KCNT2: variants seen among roughly 807,000 people sequenced by gnomAD.
The protein encoded by KCNT2 is potassium channel subfamily T member 2.
In KCNT2, 67 loss-of-function variants were observed where a neutral mutation model predicts 153.8. That is an observed-to-expected ratio of 0.44 (90% CI 0.36 to 0.53). The LOEUF (loss-of-function observed/expected upper bound fraction) is 0.53. KCNT2 is among the 20% of genes least tolerant of loss of function. KCNT2 has a pLI of 0.00. For missense variants in KCNT2, 975 were observed against 1,354.8 expected, an observed-to-expected ratio of 0.72 and a Z score of 4.40; for synonymous variants, 500 against 458.8, an observed-to-expected ratio of 1.09 and a Z score of -1.15.
At chr1:196,596,573 A>T (rs1352944183) in intron 1 of KCNT2, among the ~76,000 whole-genome samples, 3 of 151,686 alleles carry the variant, frequency 2.0e-5, no homozygotes. Context: ...TTTTGATGGG[A>T]TTATTTGTTT....
chr1:196,567,714 G>C (rs1253102505), intron 1 of KCNT2, among the ~76,000 whole-genome samples: 1 of 152,228 alleles, frequency 6.6e-6, no homozygotes, highest in Non-Finnish European at 1.5e-5. Context: ...TGTGGAGAAA[G>C]AGATAAAGGT....
At chr1:196,427,946 A>G (rs777888687) in intron 10 of KCNT2, among the ~76,000 whole-genome samples, 159 bp downstream of exon 10, 1 of 151,922 alleles carries the variant, frequency 6.6e-6, no homozygotes, top group Non-Finnish European at 1.5e-5. Flanking sequence ...TTTTTTTTCT[A>G]TGTTCCTGGT....
intron 14 of KCNT2, among the ~76,000 whole-genome samples, chr1:196,353,261 A>T (rs1666891540): frequency 6.6e-6 from 1 of 151,984 alleles, no homozygotes; most frequent in Non-Finnish European, 1.5e-5. Flanking sequence ...GCAGGCAGAC[A>T]TCCTATTTTC....
chr1:196,555,793 T>G (rs924737027), intron 1 of KCNT2, among the ~76,000 whole-genome samples: 2 of 151,032 alleles, frequency 1.3e-5, no homozygotes, highest in Non-Finnish European at 1.5e-5. Context: ...GGTACTGGCA[T>G]AAAAACAGAC....
At chr1:196,349,354 A>G (rs1269076493) in intron 14 of KCNT2, among the ~76,000 whole-genome samples, 1 of 152,242 alleles carries the variant, frequency 6.6e-6, no homozygotes, top group East Asian at 1.9e-4. Flanking sequence ...ATTTAAATCC[A>G]ACCCAGGCCT....
intron 1 of KCNT2, among the ~76,000 whole-genome samples, chr1:196,585,684 G>C (rs1383142490): frequency 6.6e-6 from 1 of 151,972 alleles, no homozygotes; most frequent in African/African-American, 2.4e-5. Context: ...TTATTTTAGA[G>C]TATTTTTTTC....
intron 3 of KCNT2, among the ~76,000 whole-genome samples, chr1:196,486,171 T>A (rs964126707): frequency 1.3e-5 from 2 of 152,084 alleles, no homozygotes; most frequent in South Asian, 4.1e-4. Context: ...AATTTGTAAA[T>A]GGAGTCTTTA....
At chr1:196,295,906 G>A (rs1367204172) in intron 22 of KCNT2, among the ~76,000 whole-genome samples, 2 of 151,916 alleles carry the variant, frequency 1.3e-5, no homozygotes, top group Non-Finnish European at 2.9e-5. Flanking sequence ...GACATGGAGG[G>A]TTGTCAATGT....
In KCNT2 at chr1:196,596,639, A is replaced by G. The variant is rs186370928; in HGVS notation, c.95+11576T>C. Among the ~76,000 whole-genome samples the G allele has an allele frequency of 2.0e-5, 3 of 152,320 alleles. No homozygotes were observed. In the East Asian group the frequency reaches 5.8e-4, roughly 29 times the overall value. On this transcript the variant is annotated intron_variant, in intron 1 of 27. Coordinates refer to ENST00000294725, the MANE Select transcript of KCNT2 (RefSeq NM_198503.5). The stretch of plus-strand genomic sequence containing the variant: ...AAATCCACAGAAGCAAAACCCATGG[A>G]TATGAGAAGGCTGGCTGTATATGGC...
At chr1:196,468,836 G>T (rs968629808) in intron 6 of KCNT2, among the ~76,000 whole-genome samples, 158 bp downstream of exon 6, 14 of 151,894 alleles carry the variant, frequency 9.2e-5, no homozygotes, top group African/African-American at 3.4e-4. Context: ...TACACAACAC[G>T]ATCCAACCAA....
In KCNT2 at chr1:196,280,938, A is replaced by G. The variant is rs770568509; in HGVS notation, c.2832T>C (p.Tyr944=). The G allele has an allele frequency of 6.2e-7, 1 of 1,610,992 alleles. No homozygotes were observed. The highest frequency in any genetic ancestry group is 1.3e-5 in the African/African-American group (1 of 74,998). Residue 944 remains tyrosine (Y), a synonymous_variant, in exon 25 of 28, where the codon TAT becomes TAC. Transcript: ENST00000294725. ...DLWIRTYARL[Y]QKLCSSTGDV... ...CTCCAGTAGAAGAACACAACTTCTG[A>G]TAAAGTCTGGCATAAGTTCTGATCC...
chr1:196,508,991 G>A (rs561054599), intron 1 of KCNT2, among the ~76,000 whole-genome samples: 30 of 152,178 alleles, frequency 2.0e-4, no homozygotes, highest in African/African-American at 7.2e-4. Context: ...TCAAAGGACC[G>A]GGCACAGTTG....
At chr1:196,306,521 A>C (rs1257258814) in intron 21 of KCNT2, among the ~76,000 whole-genome samples, 1 of 152,004 alleles carries the variant, frequency 6.6e-6, no homozygotes, top group African/African-American at 2.4e-5. Flanking sequence ...CCAACTCTGG[A>C]AGGTTGATGG....
chr1:196,475,530 C>T (rs978797234), intron 5 of KCNT2, among the ~76,000 whole-genome samples: 2 of 151,708 alleles, frequency 1.3e-5, no homozygotes, highest in African/African-American at 4.8e-5. Flanking sequence ...GTGAGGCGAG[C>T]GGATCTATAC....
Position 196,322,158 on chromosome 1 carries a change from C to T in KCNT2, c.2277-2603G>A, listed in dbSNP as rs1663384881. 2.0e-5 allele frequency among the ~76,000 whole-genome samples: 3 copies of T among 151,766 alleles called. No individual in the cohort carries two copies. The South Asian group carries it at 6.2e-4, about 31-fold the overall frequency. ...GTATGCATTTTAAAAAATCTGACTG[C>T]TAAACAGAGAAGGCTTATTTACGTT... On this transcript the variant is annotated intron_variant, in intron 19 of 27. Transcript: ENST00000294725.
At chr1:196,317,223 G>A (rs773002621) in intron 20 of KCNT2, 10 of 450,882 alleles carry the variant, frequency 2.2e-5, no homozygotes, top group South Asian at 7.8e-5. Flanking sequence ...AAAATATTTC[G>A]CTTGAATCAG....
At chr1:196,249,093 T>C (rs1655706795) in intron 26 of KCNT2, among the ~76,000 whole-genome samples, 2 of 151,580 alleles carry the variant, frequency 1.3e-5, no homozygotes. Context: ...TTTGGAAAAA[T>C]TCAAAATCCT....
At chr1:196,556,488 T>G (rs1348788297) in intron 1 of KCNT2, among the ~76,000 whole-genome samples, 2 of 151,388 alleles carry the variant, frequency 1.3e-5, no homozygotes, top group East Asian at 3.9e-4. Context: ...TTTCCAAAAG[T>G]CAGCAATAAC....
intron 1 of KCNT2, among the ~76,000 whole-genome samples, chr1:196,570,067 T>TAAAAAAAAAAAAAAAAAAAAAAAA (rs199836975): frequency 7.5e-6 from 1 of 133,706 alleles, no homozygotes; most frequent in Admixed American, 6.9e-5. Context: ...TGAGCTAGAG[T>TAAAAAAAAAAAAAAAAAAAAAAAA]AAAAAAAAAA....
Sources: allele counts gnomAD v4.1 joint callset (sites outside exome capture counted in the v4.1 genomes callset), GRCh38; gene constraint gnomAD v4.1.1; transcripts MANE v1.5; gene names NCBI Gene and HGNC (gene_info 2026-07-23, HGNC 2026-07-21).